RBFOX1: variants seen among roughly 807,000 people sequenced by gnomAD.
RBFOX1 encodes RNA binding fox-1 homolog 1, also known as RNA binding protein fox-1 homolog 1.
A neutral mutation model predicts 57.7 loss-of-function variants in RBFOX1; 8 were observed. The observed-to-expected ratio is 0.14, with a 90% CI of 0.08 to 0.25. The LOEUF is 0.25. RBFOX1 is among the 10% of genes least tolerant of loss of function. RBFOX1 has a pLI of 1.00. For synonymous variants in RBFOX1, 326 were observed against 222.4 expected, an observed-to-expected ratio of 1.47 and a Z score of -4.15; for missense variants, 611 against 548.5, an observed-to-expected ratio of 1.11 and a Z score of -1.14.
At chr16:6,204,431 G>A (rs1211968264) in intron 1 of RBFOX1, among the ~76,000 whole-genome samples, 2 of 152,160 alleles carry the variant, frequency 1.3e-5, no homozygotes, top group Admixed American at 1.3e-4. Flanking sequence ...GGGCCTAGAA[G>A]CTTCTGAACT....
At chr16:6,132,279 A>G (rs997721565) in intron 1 of RBFOX1, among the ~76,000 whole-genome samples, 1 of 151,720 alleles carries the variant, frequency 6.6e-6, no homozygotes, top group Non-Finnish European at 1.5e-5. Context: ...CCTGGCAGTT[A>G]GGTGGAGCTC....
chr16:5,790,859 A>ATTTTTTT (rs1157751312), intron 3 of RBFOX1, among the ~76,000 whole-genome samples: 1 of 112,960 alleles, frequency 8.9e-6, no homozygotes. Flanking sequence ...GTGGGTCTTT[A>ATTTTTTT]TTTTTTTTTT....
chr16:5,577,800 T>C lies in RBFOX1; in HGVS notation c.259-21102T>C, dbSNP rs574239058. ...ACACCAGGCGGCATAATAGAAGCCATGAAGTGGAAGACATGGTTCTTCTTT... is the reference window on the plus strand; with the variant it reads ...ACACCAGGCGGCATAATAGAAGCCACGAAGTGGAAGACATGGTTCTTCTTT... On this transcript the variant is annotated intron_variant, in intron 2 of 2. Coordinates refer to the RBFOX1 transcript ENST00000585867. Among the ~76,000 whole-genome samples, 8 of 152,296 alleles carry C rather than the reference T, an allele frequency of 5.3e-5. No homozygotes were observed. The East Asian group carries it at 1.5e-3, about 29-fold the overall frequency.
intron 2 of RBFOX1, among the ~76,000 whole-genome samples, chr16:6,336,744 G>T (rs554535013): frequency 6.6e-6 from 1 of 152,240 alleles, no homozygotes; most frequent in East Asian, 1.9e-4. Context: ...TGCACAGCAG[G>T]ACAGGCTATG....
chr16:7,057,114 C>T (rs1367578122), intron 4 of RBFOX1, among the ~76,000 whole-genome samples: 2 of 151,974 alleles, frequency 1.3e-5, no homozygotes, highest in East Asian at 1.9e-4. Flanking sequence ...TTTCACTTCT[C>T]TTCCTCCTAG....
In RBFOX1 at chr16:5,753,832, G is replaced by T. The variant is rs531464703; in HGVS notation, c.319-113471G>T. Among the ~76,000 whole-genome samples, 7 of 151,724 alleles carry T rather than the reference G, an allele frequency of 4.6e-5. No homozygotes were observed. In the East Asian group the frequency reaches 9.7e-4, roughly 21 times the overall value. ...CAGATCTACAAATAAGTAGAGAGCT[G>T]TGTTGAGGATATAGAGTTTTCATTG... is the stretch of plus-strand genomic sequence containing the variant. On this transcript the variant is annotated intron_variant, in intron 3 of 19. Coordinates refer to the RBFOX1 transcript ENST00000641259.
At chr16:6,291,385 T>C (rs902711529) in intron 1 of RBFOX1, among the ~76,000 whole-genome samples, 2 of 152,168 alleles carry the variant, frequency 1.3e-5, no homozygotes, top group Non-Finnish European at 2.9e-5. Context: ...TGATATGAGA[T>C]GGTGGAGGCC....
intron 3 of RBFOX1, among the ~76,000 whole-genome samples, chr16:7,051,348 TAATA>T (rs1391023492): frequency 6.6e-6 from 1 of 152,220 alleles, no homozygotes; most frequent in Non-Finnish European, 1.5e-5. Context: ...CTTGTTTGGA[TAATA>T]AATTATATGG....
chr16:6,387,520 C>G (rs1039377921), intron 2 of RBFOX1, among the ~76,000 whole-genome samples: 9 of 150,244 alleles, frequency 6.0e-5, no homozygotes, highest in African/African-American at 2.0e-4. Flanking sequence ...AAAAATGAAG[C>G]CATTAGCGTC....
chr16:7,013,418 G>A (rs576387966), intron 3 of RBFOX1, among the ~76,000 whole-genome samples: 2 of 152,300 alleles, frequency 1.3e-5, no homozygotes, highest in East Asian at 3.9e-4. Context: ...AATGTCTGGA[G>A]ACATGTTTGG....
chr16:6,406,605 C>G (rs1314103076), intron 2 of RBFOX1, among the ~76,000 whole-genome samples: 2 of 150,288 alleles, frequency 1.3e-5, no homozygotes, highest in African/African-American at 4.9e-5. Flanking sequence ...TTTTAAGCAC[C>G]CTATTGATAC....
At chr16:6,630,540 A>T (rs1365850014) in intron 2 of RBFOX1, among the ~76,000 whole-genome samples, 1 of 152,140 alleles carries the variant, frequency 6.6e-6, no homozygotes, top group Non-Finnish European at 1.5e-5. Context: ...GGTAAGCACT[A>T]TTCATAAGGC....
At chr16:7,459,618 T>G (rs11647613) in intron 4 of RBFOX1, among the ~76,000 whole-genome samples, 82,710 of 151,978 alleles carry the variant, frequency 0.54, 22,896 homozygotes, top group East Asian at 0.77. Flanking sequence ...GGGGGGACAG[T>G]TCTAGTTTAA....
intron 2 of RBFOX1, among the ~76,000 whole-genome samples, chr16:6,579,033 C>T (rs1365986761): frequency 1.3e-5 from 2 of 151,822 alleles, no homozygotes; most frequent in African/African-American, 4.8e-5. Flanking sequence ...TTTCCCAAAA[C>T]CTATGAAAAT....
Position 6,113,150 on chromosome 16 carries a change from T to A in RBFOX1, c.-127+93158T>A, listed in dbSNP as rs145616278. ...GGATTGTAGACTCCAAGATGCAAGTTGAGTTCACATCTGCCCTGGTGTCTT... is the reference window on the plus strand; with the variant it reads ...GGATTGTAGACTCCAAGATGCAAGTAGAGTTCACATCTGCCCTGGTGTCTT... On this transcript the variant is annotated intron_variant, in intron 1 of 15. Transcript: ENST00000550418. Among the ~76,000 whole-genome samples the A allele has an allele frequency of 1.6e-3, 242 of 152,286 alleles. 1 individual carries two copies. The highest frequency in any genetic ancestry group is 3.7e-3 in the African/African-American group (152 of 41,574).
At chr16:6,922,619 C>T (rs2074724004) in intron 3 of RBFOX1, among the ~76,000 whole-genome samples, 1 of 152,110 alleles carries the variant, frequency 6.6e-6, no homozygotes, top group Non-Finnish European at 1.5e-5. Context: ...TACTTGCTGA[C>T]TGTTGAATGT....
intron 1 of RBFOX1, among the ~76,000 whole-genome samples, chr16:5,463,072 A>G (rs748929421): frequency 6.6e-6 from 1 of 152,230 alleles, no homozygotes. Context: ...ATATACATAG[A>G]TGATAGATAG....
chr16:7,219,674 C>T (rs556709600), intron 4 of RBFOX1, among the ~76,000 whole-genome samples: 70 of 152,204 alleles, frequency 4.6e-4, no homozygotes, highest in African/African-American at 1.6e-3. Context: ...GCTCCTCTGC[C>T]GTATAGATCC....
intron 2 of RBFOX1, among the ~76,000 whole-genome samples, chr16:6,523,130 G>A (rs2096531271): frequency 6.6e-6 from 1 of 152,010 alleles, no homozygotes; most frequent in Admixed American, 6.6e-5. Context: ...GCCTTTTTCT[G>A]CCAACTGGAA....
Sources: gnomAD v4.1 joint callset for allele counts (sites outside exome capture counted in the v4.1 genomes callset) on GRCh38, gnomAD v4.1.1 for gene constraint, MANE v1.5 for transcripts, NCBI Gene and HGNC (gene_info 2026-07-23, HGNC 2026-07-21) for gene names.